Variants in SYNPO2 observed in about 807,000 individuals in gnomAD.
SYNPO2 encodes the protein synaptopodin-2.
SYNPO2 carries 56 observed loss-of-function variants against 85.0 expected under a neutral mutation model. The observed-to-expected ratio is 0.66, with a 90% CI of 0.53 to 0.82. SYNPO2 has a LOEUF of 0.82. SYNPO2 is among the 40% of genes least tolerant of loss of function. The probability of loss-of-function intolerance (pLI) is 0.00; values close to 1 mark genes in which losing one functional copy is unlikely to be tolerated. For missense variants in SYNPO2, 1,575 were observed against 1,534.2 expected (o/e 1.03, Z -0.44); for synonymous variants, 602 against 591.1 (o/e 1.02, Z -0.27).
intron 1 of SYNPO2, among the ~76,000 whole-genome samples, chr4:118,905,655 C>T (rs540933315): frequency 1.3e-5 from 2 of 152,248 alleles, no homozygotes; most frequent in South Asian, 4.1e-4. Context: ...AGATCCTTTA[C>T]TTCCTTTCAT....
intron 1 of SYNPO2, among the ~76,000 whole-genome samples, chr4:118,883,204 A>T (rs1732140735): frequency 6.6e-6 from 1 of 152,134 alleles, no homozygotes; most frequent in African/African-American, 2.4e-5. Flanking sequence ...ATAATTTTAT[A>T]ATAATGTTTA....
chr4:119,033,236 TCA>T, intron 4 of SYNPO2: 3 of 985,418 alleles, frequency 3.0e-6, no homozygotes, highest in Non-Finnish European at 3.6e-6. Context: ...CTGAGTGATC[TCA>T]CAGATTTTTT....
intron 1 of SYNPO2, among the ~76,000 whole-genome samples, chr4:118,973,887 TC>T (rs1225588503): frequency 6.6e-6 from 1 of 152,180 alleles, no homozygotes; most frequent in African/African-American, 2.4e-5. Context: ...AAATAAGCAA[TC>T]TAACATCACT....
chr4:118,908,664 T>G (rs1296621098), intron 1 of SYNPO2, among the ~76,000 whole-genome samples: 1 of 152,058 alleles, frequency 6.6e-6, no homozygotes, highest in Non-Finnish European at 1.5e-5. Context: ...ATAATTAAAT[T>G]CTGGTATCTC....
intron 4 of SYNPO2, chr4:119,033,940 A>T: frequency 1.0e-6 from 1 of 985,420 alleles, no homozygotes. Flanking sequence ...AATGGGGCTG[A>T]TTCTTCTGCT....
At chr4:118,937,887 A>G (rs1180568766) in intron 1 of SYNPO2, among the ~76,000 whole-genome samples, 1 of 152,206 alleles carries the variant, frequency 6.6e-6, no homozygotes. Flanking sequence ...GTGAAATGGC[A>G]TAGTATTTTC....
chr4:118,964,826 A>G (rs146902673), intron 1 of SYNPO2, among the ~76,000 whole-genome samples: 1 of 152,192 alleles, frequency 6.6e-6, no homozygotes, highest in Non-Finnish European at 1.5e-5. Flanking sequence ...CCTGCTATCA[A>G]GAAACTCAGT....
chr4:119,013,511 T>C (rs1338372569), intron 1 of SYNPO2, among the ~76,000 whole-genome samples: 1 of 152,240 alleles, frequency 6.6e-6, no homozygotes, highest in African/African-American at 2.4e-5. Context: ...AAAATATGGT[T>C]ATTCAGTCTT....
intron 1 of SYNPO2, among the ~76,000 whole-genome samples, chr4:118,912,510 T>TA (rs35949286): frequency 0.84 from 127,751 of 152,108 alleles, 53,889 homozygotes; most frequent in Middle Eastern, 0.94. Context: ...AAAATTTAGG[T>TA]AAATCTTCCT....
intron 4 of SYNPO2, among the ~76,000 whole-genome samples, chr4:119,054,985 A>G (rs1188247325): frequency 3.3e-5 from 5 of 152,176 alleles, no homozygotes; most frequent in Admixed American, 6.5e-5. Context: ...AGAAAGGACA[A>G]AAGTGATATA....
chr4:118,851,008 A>G (rs896573369), intron 1 of SYNPO2: 1 of 398,570 alleles, frequency 2.5e-6, no homozygotes, highest in Admixed American at 4.4e-5. Context: ...ATTACTCATT[A>G]TTGCCTGCGA....
intron 1 of SYNPO2, among the ~76,000 whole-genome samples, chr4:119,020,708 C>T (rs954305351): frequency 1.3e-5 from 2 of 152,010 alleles, no homozygotes; most frequent in Non-Finnish European, 2.9e-5. Flanking sequence ...GATTTTATGC[C>T]TCAAAAGTAT....
chr4:118,957,789 G>A (rs34123613), intron 1 of SYNPO2, among the ~76,000 whole-genome samples: 33,203 of 152,068 alleles, frequency 0.22, 4,007 homozygotes, highest in Non-Finnish European at 0.27. Flanking sequence ...ATGACTCAGC[G>A]TGTCTGTTAT....
chr4:118,895,770 T>C (rs1732531805), intron 1 of SYNPO2, among the ~76,000 whole-genome samples: 1 of 152,250 alleles, frequency 6.6e-6, no homozygotes, highest in African/African-American at 2.4e-5. Flanking sequence ...CATTGTGACA[T>C]ACACATTATA....
chr4:118,989,701 A>T (rs1029602153), intron 1 of SYNPO2, among the ~76,000 whole-genome samples: 4 of 152,240 alleles, frequency 2.6e-5, no homozygotes, highest in African/African-American at 9.6e-5. Context: ...TGTGAAGCAA[A>T]CATAAGCCAA....
intron 1 of SYNPO2, among the ~76,000 whole-genome samples, chr4:118,917,194 C>T (rs1046665751): frequency 4.6e-5 from 7 of 152,124 alleles, no homozygotes; most frequent in African/African-American, 7.2e-5. Flanking sequence ...GAGTTTGAGA[C>T]CAGCCTGGCC....
chr4:118,894,089 A>G (rs1452355734), intron 1 of SYNPO2, among the ~76,000 whole-genome samples: 3 of 151,612 alleles, frequency 2.0e-5, no homozygotes, highest in East Asian at 1.9e-4. Flanking sequence ...ATCATCATCA[A>G]TCATCTAAGA....
At chr4:118,940,630 G>T (rs1408870199) in intron 1 of SYNPO2, among the ~76,000 whole-genome samples, 2 of 152,166 alleles carry the variant, frequency 1.3e-5, no homozygotes, top group Non-Finnish European at 2.9e-5. Context: ...GGTGCTGTAA[G>T]GGGTGCGGTC....
rs1217570589 is a variant in SYNPO2, at chr4:118,942,792, C to T, written c.105+53651C>T. Among the ~76,000 whole-genome samples, 3 of 152,200 alleles carry T rather than the reference C, an allele frequency of 2.0e-5. No homozygotes were observed. The East Asian group carries it at 5.8e-4, about 29-fold the overall frequency. Reference sequence around the variant, plus strand: ...GCAATACACAGGACAGCTCCCCTAACAACAAAAAATTATCTAACCTAAAAT... The same window carrying T: ...GCAATACACAGGACAGCTCCCCTAATAACAAAAAATTATCTAACCTAAAAT... On this transcript the variant is annotated intron_variant, in intron 1 of 4. Coordinates refer to ENST00000307142, the MANE Select transcript of SYNPO2 (RefSeq NM_133477.3).
Sources: gnomAD v4.1 joint callset for allele counts (sites outside exome capture counted in the v4.1 genomes callset) on GRCh38, gnomAD v4.1.1 for gene constraint, MANE v1.5 for transcripts, NCBI Gene and HGNC (gene_info 2026-07-23, HGNC 2026-07-21) for gene names.